Variants in TRPC7 observed in about 807,000 individuals in gnomAD.
TRPC7 encodes short transient receptor potential channel 7.
A neutral mutation model predicts 90.1 loss-of-function variants in TRPC7; 42 were observed. The ratio of observed to expected loss-of-function variants is 0.47; its 90% CI spans 0.36 to 0.60. TRPC7 has a LOEUF of 0.60. TRPC7 is among the 20% of genes least tolerant of loss of function. TRPC7 has a pLI of 0.00. For missense variants in TRPC7, 955 were observed against 1,112.3 expected (o/e 0.86, Z 2.01); for synonymous variants, 451 against 436.3 (o/e 1.03, Z -0.42).
intron 6 of TRPC7, among the ~76,000 whole-genome samples, chr5:136,250,006 C>A (rs548776369): frequency 2.3e-4 from 35 of 152,212 alleles, no homozygotes; most frequent in Non-Finnish European, 4.3e-4. Context: ...CATAAAGCAA[C>A]AGAAGTCAGA....
intron 3 of TRPC7, among the ~76,000 whole-genome samples, chr5:136,290,116 G>A (rs1757885130): frequency 6.6e-6 from 1 of 152,234 alleles, no homozygotes; most frequent in African/African-American, 2.4e-5. Context: ...AAACAGAAAG[G>A]ACATCCACAC....
chr5:136,240,960 G>T (rs778135363), intron 7 of TRPC7, among the ~76,000 whole-genome samples: 3 of 152,034 alleles, frequency 2.0e-5, no homozygotes, highest in African/African-American at 7.3e-5. Context: ...AGCCGAGTAC[G>T]TGAAGCTCAG....
At chr5:136,365,066 A>G (rs1760679491) in intron 1 of TRPC7, among the ~76,000 whole-genome samples, 187 bp downstream of exon 1, 1 of 76,588 alleles carries the variant, frequency 1.3e-5, no homozygotes, top group South Asian at 3.1e-4. Context: ...TAGACATTCT[A>G]TAAAAGAAAA....
intron 2 of TRPC7, among the ~76,000 whole-genome samples, chr5:136,354,086 G>C (rs1409182153): frequency 6.6e-6 from 1 of 152,060 alleles, no homozygotes; most frequent in East Asian, 1.9e-4. Context: ...ATATTTTTTT[G>C]CTTGAATTTT....
chr5:136,293,048 T>G (rs1463456782), intron 3 of TRPC7, among the ~76,000 whole-genome samples: 6 of 152,164 alleles, frequency 3.9e-5, no homozygotes, highest in Admixed American at 3.9e-4. Context: ...AAAAACCACA[T>G]GATTATCTCA....
intron 3 of TRPC7, among the ~76,000 whole-genome samples, chr5:136,282,844 C>T (rs569778903): frequency 6.6e-6 from 1 of 152,286 alleles, no homozygotes; most frequent in Admixed American, 6.5e-5. Context: ...CTATTGTTAC[C>T]AGGTACCAAG....
chr5:136,284,670 C>T (rs1379762729), intron 3 of TRPC7, among the ~76,000 whole-genome samples: 1 of 152,000 alleles, frequency 6.6e-6, no homozygotes. Context: ...CAGGAGTTGA[C>T]CAGGGGTGTC....
intron 6 of TRPC7, among the ~76,000 whole-genome samples, chr5:136,248,743 C>T (rs1278955626): frequency 1.3e-5 from 2 of 152,248 alleles, no homozygotes; most frequent in Admixed American, 1.3e-4. Context: ...GGTATTTCTG[C>T]TGCAGAGCAA....
intron 3 of TRPC7, among the ~76,000 whole-genome samples, chr5:136,297,282 T>A (rs1363445267): frequency 1.3e-5 from 2 of 152,176 alleles, no homozygotes; most frequent in African/African-American, 2.4e-5. Context: ...TCTTATTTAT[T>A]CTATATTGTC....
intron 10 of TRPC7, among the ~76,000 whole-genome samples, chr5:136,220,557 G>A (rs533688935): frequency 8.9e-4 from 135 of 152,198 alleles, no homozygotes; most frequent in Non-Finnish European, 1.8e-3. Flanking sequence ...CCAGTTTTTT[G>A]CTCTCGAACC....
At chr5:136,294,332 C>T (rs189208063) in intron 3 of TRPC7, among the ~76,000 whole-genome samples, 3,166 of 151,964 alleles carry the variant, frequency 0.021, 129 homozygotes, top group African/African-American at 0.073. Context: ...CAAAAGAAAC[C>T]ACCATCAGAG....
At chr5:136,359,670 G>C (rs986279605) in intron 1 of TRPC7, among the ~76,000 whole-genome samples, 4 of 152,058 alleles carry the variant, frequency 2.6e-5, no homozygotes, top group African/African-American at 7.2e-5. Flanking sequence ...TTTTCAGAAA[G>C]AGAAAGTTAC....
At chr5:136,314,812 T>C (rs1758957625) in intron 3 of TRPC7, among the ~76,000 whole-genome samples, 1 of 152,230 alleles carries the variant, frequency 6.6e-6, no homozygotes, top group Non-Finnish European at 1.5e-5. Flanking sequence ...TTTGCTTATG[T>C]GGAAAGCACA....
intron 3 of TRPC7, among the ~76,000 whole-genome samples, chr5:136,295,250 G>T (rs1758124789): frequency 1.3e-5 from 2 of 152,008 alleles, no homozygotes; most frequent in Non-Finnish European, 2.9e-5. Flanking sequence ...TAACAAACCT[G>T]CACGTTGTGC....
chr5:136,297,722 G>A (rs958261921), intron 3 of TRPC7, among the ~76,000 whole-genome samples: 1 of 151,908 alleles, frequency 6.6e-6, no homozygotes, highest in African/African-American at 2.4e-5. Flanking sequence ...AGTAAATTAA[G>A]GTCATAAGTC....
At chr5:136,216,999 C>T (rs1204545087) in intron 10 of TRPC7, among the ~76,000 whole-genome samples, 2 of 152,184 alleles carry the variant, frequency 1.3e-5, no homozygotes, top group Non-Finnish European at 2.9e-5. Context: ...TTAAGAGACA[C>T]CAAGAATAGA....
At chr5:136,307,389 T>C (rs1405700295) in intron 3 of TRPC7, among the ~76,000 whole-genome samples, 1 of 152,008 alleles carries the variant, frequency 6.6e-6, no homozygotes. Flanking sequence ...GATCATGTGG[T>C]ATTTGTCTTT....
chr5:136,248,180 G>A (rs927203809), intron 6 of TRPC7, among the ~76,000 whole-genome samples: 6 of 152,226 alleles, frequency 3.9e-5, no homozygotes, highest in African/African-American at 1.4e-4. Flanking sequence ...TGGGGAGGCA[G>A]CGCGAGGAAT....
intron 3 of TRPC7, among the ~76,000 whole-genome samples, chr5:136,292,870 A>T (rs1288935090): frequency 2.6e-5 from 4 of 152,248 alleles, no homozygotes; most frequent in Admixed American, 2.6e-4. Flanking sequence ...AATATCCTTG[A>T]TGAACATTGA....
Sources: gnomAD v4.1 joint callset for allele counts (sites outside exome capture counted in the v4.1 genomes callset) on GRCh38, gnomAD v4.1.1 for gene constraint, MANE v1.5 for transcripts, NCBI Gene and HGNC (gene_info 2026-07-23, HGNC 2026-07-21) for gene names.